Variants in MTMR12 observed in about 807,000 individuals in gnomAD.
MTMR12 encodes myotubularin-related protein 12.
A neutral mutation model predicts 96.7 loss-of-function variants in MTMR12; 33 were observed. The observed-to-expected ratio is 0.34, with a 90% CI of 0.26 to 0.46. The LOEUF (loss-of-function observed/expected upper bound fraction) is 0.46, where lower values mean the gene tolerates loss of function less well. Ranked by LOEUF, MTMR12 falls within the 20% of genes least tolerant of loss-of-function variation. The pLI, the probability that MTMR12 is intolerant of heterozygous loss-of-function variation, is 1.00. For missense variants in MTMR12, 721 were observed against 896.1 expected (o/e 0.80, Z 2.49); for synonymous variants, 298 against 327.2 (o/e 0.91, Z 0.96).
rs898017831 is a variant in MTMR12 at position 32,274,998 on chromosome 5, C to CA, written c.143-877dup. On this transcript the variant is annotated intron_variant, in intron 2 of 15. Transcript: ENST00000382142. ...AAGTATAAATGTTTTGCAACAACAA[C>CA]AAAAAAAACCCAAAGGATTTTTCTT... Among the ~76,000 whole-genome samples, 24 of 151,642 alleles carry CA rather than the reference C, an allele frequency of 1.6e-4. 1 individual carries two copies. Among genetic ancestry groups the CA allele is most frequent in the South Asian group, 4.2e-4 (2 of 4,808 alleles).
intron 5 of MTMR12, 89 bp from the exon 6 acceptor site, chr5:32,268,883 C>A: frequency 9.7e-7 from 1 of 1,031,206 alleles, no homozygotes; most frequent in South Asian, 1.3e-5. Context: ...AGTTCTTAGT[C>A]ATGCCAAAGG....
At chr5:32,255,975 T>C in intron 7 of MTMR12, 1 of 389,854 alleles carries the variant, frequency 2.6e-6, no homozygotes, top group Non-Finnish European at 4.7e-6. Flanking sequence ...AAGTTCAAAC[T>C]GTGGCTCTGC....
chr5:32,255,839 T>C (rs1048106123), intron 7 of MTMR12, 71 bp from the exon 8 acceptor site: 1 of 1,305,190 alleles, frequency 7.7e-7, no homozygotes, highest in Non-Finnish European at 1.1e-6. Context: ...TCAACTTCAA[T>C]GGATACGATG....
chr5:32,295,011 T>C (rs1403486088), intron 1 of MTMR12, among the ~76,000 whole-genome samples: 5 of 152,216 alleles, frequency 3.3e-5, no homozygotes, highest in African/African-American at 9.7e-5. Context: ...ATTTGGAGCT[T>C]TCTCACTGAG....
chr5:32,244,647 T>C (rs1194181916), intron 10 of MTMR12, among the ~76,000 whole-genome samples: 1 of 152,176 alleles, frequency 6.6e-6, no homozygotes, highest in African/African-American at 2.4e-5. Flanking sequence ...CAGATATCCC[T>C]GAAAGTCCTG....
At chr5:32,245,813 G>A (rs1007623925) in intron 10 of MTMR12, among the ~76,000 whole-genome samples, 4 of 151,876 alleles carry the variant, frequency 2.6e-5, no homozygotes, top group Non-Finnish European at 5.9e-5. Context: ...GGGCAACAGA[G>A]TGAGAATTTG....
chr5:32,290,316 G>A (rs1176806340), intron 1 of MTMR12, among the ~76,000 whole-genome samples: 6 of 152,204 alleles, frequency 3.9e-5, no homozygotes, highest in Non-Finnish European at 8.8e-5. Context: ...CCATTACATT[G>A]ATGACATTAT....
At chr5:32,310,568 G>A (rs1434854046) in intron 1 of MTMR12, among the ~76,000 whole-genome samples, 2 of 152,184 alleles carry the variant, frequency 1.3e-5, no homozygotes, top group Non-Finnish European at 2.9e-5. Context: ...AACTTTGCAC[G>A]TCCTCACTTA....
intron 5 of MTMR12, 50 bp downstream of exon 5, chr5:32,270,767 G>C: frequency 6.4e-7 from 1 of 1,553,464 alleles, no homozygotes; most frequent in Non-Finnish European, 8.7e-7. Context: ...TAGAGCTAGT[G>C]GGGAAAACCT....
At chr5:32,286,537 G>T (rs958848512) in intron 1 of MTMR12, among the ~76,000 whole-genome samples, 1 of 151,636 alleles carries the variant, frequency 6.6e-6, no homozygotes, top group Non-Finnish European at 1.5e-5. Flanking sequence ...AAAAAGGATT[G>T]ACTTTTGCCC....
intron 14 of MTMR12, among the ~76,000 whole-genome samples, chr5:32,234,172 G>A (rs1748116476): frequency 6.6e-6 from 1 of 152,212 alleles, no homozygotes; most frequent in Admixed American, 6.5e-5. Flanking sequence ...TGTGCTGGGT[G>A]CTTCCACAGC....
At chr5:32,281,419 G>C (rs1750290182) in intron 1 of MTMR12, among the ~76,000 whole-genome samples, 1 of 152,056 alleles carries the variant, frequency 6.6e-6, no homozygotes, top group Admixed American at 6.5e-5. Context: ...CCCTAAATCT[G>C]TAAGACTTTA....
intron 1 of MTMR12, among the ~76,000 whole-genome samples, chr5:32,292,541 C>T (rs1056107800): frequency 6.6e-6 from 1 of 152,124 alleles, no homozygotes; most frequent in Non-Finnish European, 1.5e-5. Flanking sequence ...CAGTGTTGGC[C>T]GGGGTGACTG....
chr5:32,289,781 G>T (rs1750675865), intron 1 of MTMR12, among the ~76,000 whole-genome samples: 1 of 152,200 alleles, frequency 6.6e-6, no homozygotes, highest in South Asian at 2.1e-4. Context: ...TCCCTAACTG[G>T]TAGGGTGAGG....
chr5:32,253,117 T>C (rs1003145082), intron 8 of MTMR12, among the ~76,000 whole-genome samples: 2 of 152,222 alleles, frequency 1.3e-5, no homozygotes, highest in Non-Finnish European at 2.9e-5. Context: ...TATTTGTTGG[T>C]TGTCACAACT....
intron 1 of MTMR12, among the ~76,000 whole-genome samples, chr5:32,295,958 G>A (rs892176261): frequency 5.3e-5 from 8 of 151,934 alleles, no homozygotes; most frequent in Admixed American, 6.6e-5. Flanking sequence ...GTTCGAGACC[G>A]GCCTGGCCAA....
chr5:32,283,899 T>A lies in MTMR12; in HGVS notation c.82-7157A>T, dbSNP rs1170936388. 2.0e-5 allele frequency among the ~76,000 whole-genome samples: 3 copies of A among 152,312 alleles called. No individual in the cohort carries two copies. In the East Asian group the frequency reaches 5.8e-4, roughly 29 times the overall value. ...CACTGGGTCCTCTGAGGCATGAGTC[T>A]CTAATTTTCAAGCCAACTGACTCAA... On this transcript the variant is annotated intron_variant, in intron 1 of 15. Coordinates refer to ENST00000382142, the MANE Select transcript of MTMR12 (RefSeq NM_001040446.3).
chr5:32,279,076 C>CAAAAAAAAAAAAA lies in MTMR12; in HGVS notation c.82-2347_82-2335dup, dbSNP rs35999870. On this transcript the variant is annotated intron_variant, in intron 1 of 15. Transcript: ENST00000382142. ...GGGCAACAAGAGCGAAACTCTGTCT[C>CAAAAAAAAAAAAA]AAAAAAAAAAAAAAAAAAAAAAAAA... 1.4e-4 allele frequency among the ~76,000 whole-genome samples: 7 copies of CAAAAAAAAAAAAA among 50,514 alleles called. 1 individual carries two copies. Among genetic ancestry groups the CAAAAAAAAAAAAA allele is most frequent in the Non-Finnish European group, 2.3e-4 (6 of 26,484 alleles). The allele number at this position is 50,514 out of a possible 152,430, so 33.1% of individuals were successfully genotyped here. A position where few individuals can be genotyped will look rare whatever the true frequency, so the allele number is the denominator to read the frequency against.
chr5:32,311,236 A>C lies in MTMR12; in HGVS notation c.81+1522T>G, dbSNP rs534487642. On this transcript the variant is annotated intron_variant, in intron 1 of 15. Transcript: ENST00000382142. ...TTTTAAATGTTTAAATGTTTTAAAA[A>C]GACACAAAGAGAAATTGACCACATT... Among the ~76,000 whole-genome samples, 425 of 152,360 alleles carry C rather than the reference A, an allele frequency of 2.8e-3. 1 individual carries two copies. Among genetic ancestry groups the C allele is most frequent in the African/African-American group, 9.6e-3 (400 of 41,584 alleles).
Sources: allele counts gnomAD v4.1 joint callset (sites outside exome capture counted in the v4.1 genomes callset), GRCh38; gene constraint gnomAD v4.1.1; transcripts MANE v1.5; gene names NCBI Gene and HGNC (gene_info 2026-07-23, HGNC 2026-07-21).